The following SCAPER variants were observed in gnomAD, a reference collection of about 807,000 sequenced individuals.
The protein encoded by SCAPER is S-phase cyclin A associated protein in the ER.
A neutral mutation model predicts 182.2 loss-of-function variants in SCAPER; 98 were observed. The observed-to-expected ratio is 0.54, with a 90% CI of 0.46 to 0.64. The LOEUF (loss-of-function observed/expected upper bound fraction) is 0.64, where lower values mean the gene tolerates loss of function less well. Among genes scored for constraint, SCAPER ranks in the 30% least tolerant of loss-of-function variants. The probability of loss-of-function intolerance (pLI) is 0.00; values close to 1 mark genes in which losing one functional copy is unlikely to be tolerated. For missense variants in SCAPER, 1,432 were observed against 1,690.0 expected, an observed-to-expected ratio of 0.85 and a Z score of 2.68; for synonymous variants, 605 against 564.6, an observed-to-expected ratio of 1.07 and a Z score of -1.01.
At chr15:76,703,596 C>T (rs961156948) in intron 18 of SCAPER, among the ~76,000 whole-genome samples, 2 of 152,120 alleles carry the variant, frequency 1.3e-5, no homozygotes, top group African/African-American at 4.8e-5. Flanking sequence ...AGAATGGCAT[C>T]GCACCTACCT....
At chr15:76,787,962 C>A (rs564096162) in intron 8 of SCAPER, among the ~76,000 whole-genome samples, 2 of 152,228 alleles carry the variant, frequency 1.3e-5, no homozygotes, top group South Asian at 4.1e-4. Context: ...GTCTAGAATA[C>A]ACAGAGAACT....
intron 20 of SCAPER, among the ~76,000 whole-genome samples, chr15:76,672,342 G>C (rs2057080410): frequency 6.6e-6 from 1 of 152,100 alleles, no homozygotes; most frequent in South Asian, 2.1e-4. Context: ...AAATGCCAAA[G>C]TTATCAGAAG....
Position 76,892,254 on chromosome 15 carries a change from T to C in SCAPER, c.-59-8378A>G, listed in dbSNP as rs147050421. 7.1e-3 allele frequency among the ~76,000 whole-genome samples: 1,079 copies of C among 152,272 alleles called. 30 individuals are homozygous for C. The highest frequency in any genetic ancestry group is 0.044 in the Admixed American group (671 of 15,290). ...AAACCTAGGCAATACCTTCAGGACA[T>C]AGGCATGGGCAAAGACTTCATGACT... is the stretch of plus-strand genomic sequence containing the variant. On this transcript the variant is annotated intron_variant, in intron 1 of 31. Coordinates refer to ENST00000563290, the MANE Select transcript of SCAPER (RefSeq NM_020843.4).
At chr15:76,467,469 C>T (rs1277495731) in intron 25 of SCAPER, among the ~76,000 whole-genome samples, 1 of 148,782 alleles carries the variant, frequency 6.7e-6, no homozygotes, top group Non-Finnish European at 1.5e-5. Flanking sequence ...AAGACAGGAT[C>T]TCACTCTGTT....
At chr15:76,656,642 T>G (rs1344391578) in intron 21 of SCAPER, among the ~76,000 whole-genome samples, 2 of 152,100 alleles carry the variant, frequency 1.3e-5, no homozygotes, top group African/African-American at 4.8e-5. Context: ...ACCCACACAG[T>G]GAGCCATAAA....
intron 23 of SCAPER, among the ~76,000 whole-genome samples, chr15:76,572,913 T>TCACACACACACA (rs1481190270): frequency 1.0e-4 from 12 of 119,446 alleles, no homozygotes; most frequent in South Asian, 6.1e-4. Context: ...TCTCTCTCTC[T>TCACACACACACA]CTCTCTCACA....
At chr15:76,606,280 C>G (rs2050388828) in intron 22 of SCAPER, among the ~76,000 whole-genome samples, 1 of 152,022 alleles carries the variant, frequency 6.6e-6, no homozygotes. Flanking sequence ...CATTATTTAC[C>G]CAGTAGTCAT....
chr15:76,724,286 G>A (rs546782742), intron 17 of SCAPER, among the ~76,000 whole-genome samples: 15 of 152,208 alleles, frequency 9.9e-5, no homozygotes, highest in South Asian at 6.2e-4. Flanking sequence ...AGTTTCTGCC[G>A]AGAGATCAGC....
At chr15:76,627,805 C>T (rs894109202) in intron 21 of SCAPER, among the ~76,000 whole-genome samples, 2 of 152,016 alleles carry the variant, frequency 1.3e-5, no homozygotes, top group African/African-American at 2.4e-5. Context: ...GGGTATATAC[C>T]TAGTAATGAG....
At chr15:76,793,811 G>A (rs2151465932) in intron 8 of SCAPER, among the ~76,000 whole-genome samples, 1 of 152,356 alleles carries the variant, frequency 6.6e-6, no homozygotes, top group African/African-American at 2.4e-5. Flanking sequence ...CAGAGCACAG[G>A]TAAAATAACC....
intron 26 of SCAPER, among the ~76,000 whole-genome samples, chr15:76,421,658 G>A (rs914884312): frequency 1.8e-4 from 27 of 152,134 alleles, no homozygotes; most frequent in Non-Finnish European, 3.8e-4. Context: ...GGCTTTTGTT[G>A]CCATTGCTTT....
chr15:76,607,316 C>A (rs1257543164), intron 22 of SCAPER, among the ~76,000 whole-genome samples: 1 of 152,164 alleles, frequency 6.6e-6, no homozygotes, highest in African/African-American at 2.4e-5. Context: ...GTTGAAAATT[C>A]TTTTCTTTAA....
intron 24 of SCAPER, among the ~76,000 whole-genome samples, chr15:76,503,982 C>G (rs1043161165): frequency 1.3e-5 from 2 of 151,800 alleles, no homozygotes; most frequent in African/African-American, 4.8e-5. Flanking sequence ...ACCTCCTGGG[C>G]TCTAGTGATC....
chr15:76,726,652 T>C (rs1032748802), intron 17 of SCAPER, among the ~76,000 whole-genome samples: 1 of 152,062 alleles, frequency 6.6e-6, no homozygotes, highest in Non-Finnish European at 1.5e-5. Context: ...TACAATGAAA[T>C]ACTATTCAGT....
intron 5 of SCAPER, among the ~76,000 whole-genome samples, chr15:76,812,690 A>C (rs1555616568): frequency 6.6e-6 from 1 of 152,076 alleles, no homozygotes; most frequent in Non-Finnish European, 1.5e-5. Context: ...ATACATATAT[A>C]ACCTAAGGAA....
intron 21 of SCAPER, among the ~76,000 whole-genome samples, chr15:76,625,128 T>C (rs1009781020): frequency 2.6e-5 from 4 of 151,916 alleles, no homozygotes; most frequent in Admixed American, 6.6e-5. Flanking sequence ...GGCAACATGC[T>C]TGGTTACTGG....
chr15:76,385,240 T>A (rs910066231), intron 27 of SCAPER: 1 of 152,220 alleles, frequency 6.6e-6, no homozygotes, highest in Non-Finnish European at 1.5e-5. Context: ...ATCCATTCCA[T>A]CTTCATAAAC....
chr15:76,670,557 G>A (rs552867527), intron 20 of SCAPER, among the ~76,000 whole-genome samples: 2 of 152,090 alleles, frequency 1.3e-5, no homozygotes, highest in African/African-American at 4.8e-5. Context: ...GAAAAACCTG[G>A]GCCACAGATT....
chr15:76,768,617 TAAAAAACAACAGTA>T (rs899022027), intron 10 of SCAPER, among the ~76,000 whole-genome samples: 57 of 152,154 alleles, frequency 3.7e-4, no homozygotes, highest in African/African-American at 1.3e-3. Flanking sequence ...GAGAATATAC[TAAAAAACAACAGTA>T]AACTTCAAAC....
Sources: allele counts gnomAD v4.1 joint callset (sites outside exome capture counted in the v4.1 genomes callset), GRCh38; gene constraint gnomAD v4.1.1; transcripts MANE v1.5; gene names NCBI Gene and HGNC (gene_info 2026-07-23, HGNC 2026-07-21).